Variants in PARD6G observed in about 807,000 individuals in gnomAD.
PARD6G encodes the protein partitioning defective 6 homolog gamma.
A neutral mutation model predicts 10.7 loss-of-function variants in PARD6G; 7 were observed. The ratio of observed to expected loss-of-function variants is 0.66; its 90% CI spans 0.37 to 1.23. PARD6G has a LOEUF of 1.23. Among genes scored for constraint, PARD6G ranks in the 50% most tolerant of loss-of-function variants. The probability of loss-of-function intolerance (pLI) is 0.02; values close to 1 mark genes in which losing one functional copy is unlikely to be tolerated. For missense variants in PARD6G, 548 were observed against 571.8 expected (o/e 0.96, Z 0.42); for synonymous variants, 287 against 269.4 (o/e 1.07, Z -0.64).
rs2145279145 is a variant in PARD6G at position 80,200,296 on chromosome 18, CAACTGCCCCT to C, written c.295+2404_295+2413del. Among the ~76,000 whole-genome samples, 1 of 152,326 alleles carries C rather than the reference CAACTGCCCCT, an allele frequency of 6.6e-6. No individual in the cohort carries two copies. The highest frequency in any genetic ancestry group is 1.9e-4 in the East Asian group (1 of 5,180). ...AGGGTGCCTGACTGTGCACCGGAAA[CAACTGCCCCT>C]GACTGCCACCTGGAATGTCGTCATC... On this transcript the variant is annotated intron_variant, in intron 2 of 2. Transcript: ENST00000353265. The surrounding 1 kb of genome is among the most constrained non-coding windows in gnomAD (Gnocchi z 4.4).
chr18:80,226,247 C>T (rs56191033), intron 1 of PARD6G, among the ~76,000 whole-genome samples: 25,005 of 146,828 alleles, frequency 0.17, 2,737 homozygotes, highest in East Asian at 0.42. Context: ...CTTGGCTCAC[C>T]GCAACCTCCG....
chr18:80,181,004 C>T lies in PARD6G; in HGVS notation c.296-20398G>A, dbSNP rs892096758. ...CTGAGGGTAAGAACCCGGCCTCACACGCACGTTTCCAGCGGGCTGGAAGGC... is the reference window on the plus strand; with the variant it reads ...CTGAGGGTAAGAACCCGGCCTCACATGCACGTTTCCAGCGGGCTGGAAGGC... On this transcript the variant is annotated intron_variant, in intron 2 of 2. Coordinates refer to ENST00000353265, the MANE Select transcript of PARD6G (RefSeq NM_032510.4). The surrounding 1 kb of genome is among the most constrained non-coding windows in gnomAD (Gnocchi z 7.9). 2.0e-5 allele frequency among the ~76,000 whole-genome samples: 3 copies of T among 152,220 alleles called. No individual in the cohort carries two copies. Among genetic ancestry groups the T allele is most frequent in the African/African-American group, 4.8e-5 (2 of 41,446 alleles).
chr18:80,221,125 T>C (rs896889631), intron 1 of PARD6G, among the ~76,000 whole-genome samples: 3 of 152,206 alleles, frequency 2.0e-5, no homozygotes, highest in Non-Finnish European at 4.4e-5. Flanking sequence ...ATGGTTTCAC[T>C]GGCCACTTAT....
chr18:80,218,798 G>A (rs558825713), intron 1 of PARD6G, among the ~76,000 whole-genome samples: 10 of 152,314 alleles, frequency 6.6e-5, no homozygotes, highest in African/African-American at 2.4e-4. Context: ...GAACATCCAG[G>A]CCTTTCCACA....
In PARD6G at chr18:80,182,656, G is replaced by C. The variant is rs1230441950; in HGVS notation, c.295+20054C>G. Among the ~76,000 whole-genome samples the C allele has an allele frequency of 6.6e-6, 1 of 152,164 alleles. No homozygotes were observed. The highest frequency in any genetic ancestry group is 1.9e-4 in the East Asian group (1 of 5,202). On this transcript the variant is annotated intron_variant, in intron 2 of 2. Coordinates refer to ENST00000353265, the MANE Select transcript of PARD6G (RefSeq NM_032510.4). This position sits in a 1 kb window ranked among gnomAD's most constrained non-coding sequence, Gnocchi z 4.5. The stretch of plus-strand genomic sequence containing the variant: ...AAAATAGCTTCCACAGGGAAAAAAG[G>C]TGCAAGTCCAACAGACACCCTTTCC...
At chr18:80,217,510 A>C (rs1458055416) in intron 1 of PARD6G, among the ~76,000 whole-genome samples, 1 of 152,196 alleles carries the variant, frequency 6.6e-6, no homozygotes, top group Admixed American at 6.5e-5. Flanking sequence ...CACAATAATA[A>C]GTAATGTTGA....
rs985906066 is a variant in PARD6G, at chr18:80,158,693, C to G, written c.*1078G>C. 5.3e-5 allele frequency: 8 copies of G among 152,260 alleles called. No individual in the cohort carries two copies. The highest frequency in any genetic ancestry group is 1.9e-4 in the African/African-American group (8 of 41,516). 9.4% of individuals were successfully genotyped at this position (152,260 alleles called of 1,614,324 possible). A position where few individuals can be genotyped will look rare whatever the true frequency, so the allele number is the denominator to read the frequency against. On this transcript the variant is annotated 3_prime_UTR_variant, in exon 3 of 3. Transcript: ENST00000353265. The stretch of plus-strand genomic sequence containing the variant: ...TGAAATCCCATCTCTACTAAAAATA[C>G]AAAAATTAGCTGGGTATGGTGGCAT...
rs957944674 is a variant in PARD6G at position 80,192,451 on chromosome 18, C to T, written c.295+10259G>A. Reference sequence around the variant, plus strand: ...AGGGGACGGGGGAGAGCAGGTGCCACGGCGGGAGCCCAGGGGACGGGGGAG... The same window carrying T: ...AGGGGACGGGGGAGAGCAGGTGCCATGGCGGGAGCCCAGGGGACGGGGGAG... On this transcript the variant is annotated intron_variant, in intron 2 of 2. Coordinates refer to ENST00000353265, the MANE Select transcript of PARD6G (RefSeq NM_032510.4). This position sits in a 1 kb window ranked among gnomAD's most constrained non-coding sequence, Gnocchi z 4.9. 8.6e-5 allele frequency among the ~76,000 whole-genome samples: 13 copies of T among 151,816 alleles called. No individual in the cohort carries two copies. Among genetic ancestry groups the T allele is most frequent in the Admixed American group, 3.9e-4 (6 of 15,260 alleles).
At chr18:80,219,213 T>C (rs1006601848) in intron 1 of PARD6G, among the ~76,000 whole-genome samples, 8 of 151,880 alleles carry the variant, frequency 5.3e-5, no homozygotes, top group African/African-American at 1.9e-4. Flanking sequence ...GGTTTGTTTG[T>C]TTGTTTGTTT....
chr18:80,240,907 G>A (rs1367476757), intron 1 of PARD6G, among the ~76,000 whole-genome samples: 1 of 152,176 alleles, frequency 6.6e-6, no homozygotes, highest in Non-Finnish European at 1.5e-5. Context: ...AGGCAGGGAT[G>A]TTGTACGTTT....
rs1220796874 is a variant in PARD6G, at chr18:80,182,096, C to T, written c.295+20614G>A. Among the ~76,000 whole-genome samples, 1 of 152,218 alleles carries T rather than the reference C, an allele frequency of 6.6e-6. No homozygotes were observed. The highest frequency in any genetic ancestry group is 1.5e-5 in the Non-Finnish European group (1 of 68,030). ...TGGGTAGGGCCCAGCAGAGTCTCAC[C>T]CCAAGCTCCCCAGCTGCTCACCCAC... On this transcript the variant is annotated intron_variant, in intron 2 of 2. Coordinates refer to ENST00000353265, the MANE Select transcript of PARD6G (RefSeq NM_032510.4). The surrounding 1 kb of genome is among the most constrained non-coding windows in gnomAD (Gnocchi z 4.5).
chr18:80,230,748 G>T (rs890728775), intron 1 of PARD6G, among the ~76,000 whole-genome samples: 3 of 152,122 alleles, frequency 2.0e-5, no homozygotes, highest in Non-Finnish European at 4.4e-5. Flanking sequence ...TGAGGGAGGG[G>T]TAGCAGTGGA....
In PARD6G at chr18:80,201,407, T is replaced by G. The variant is rs1599862162; in HGVS notation, c.295+1303A>C. 6.6e-6 allele frequency among the ~76,000 whole-genome samples: 1 copy of G among 152,152 alleles called. No individual in the cohort carries two copies. The highest frequency in any genetic ancestry group is 2.1e-4 in the South Asian group (1 of 4,832). On this transcript the variant is annotated intron_variant, in intron 2 of 2. Coordinates refer to ENST00000353265, the MANE Select transcript of PARD6G (RefSeq NM_032510.4). This position sits in a 1 kb window ranked among gnomAD's most constrained non-coding sequence, Gnocchi z 5.9. Reference sequence around the variant, plus strand: ...CCGAGGTGTGGCACGCTGGAGGCTGTGCAGAGCCATGCAGAGACAGCGAGG... The same window carrying G: ...CCGAGGTGTGGCACGCTGGAGGCTGGGCAGAGCCATGCAGAGACAGCGAGG...
chr18:80,177,215 A>AGT (rs2052815943), intron 2 of PARD6G, among the ~76,000 whole-genome samples: 1 of 51,444 alleles, frequency 1.9e-5, no homozygotes, highest in Non-Finnish European at 3.1e-5. Context: ...CTAAATGGGA[A>AGT]GCGCACACAC....
At chr18:80,162,925 G>A (rs1835922972) in intron 2 of PARD6G, among the ~76,000 whole-genome samples, 1 of 152,136 alleles carries the variant, frequency 6.6e-6, no homozygotes, top group African/African-American at 2.4e-5. Flanking sequence ...GGACAGAGTG[G>A]GCTCTCCCTG....
intron 2 of PARD6G, among the ~76,000 whole-genome samples, chr18:80,177,751 G>C (rs2052823196): frequency 6.7e-6 from 1 of 148,284 alleles, no homozygotes; most frequent in African/African-American, 2.5e-5. Context: ...AGTCCAAATG[G>C]GAAGCACACG....
At chr18:80,165,615 C>A (rs557761981) in intron 2 of PARD6G, among the ~76,000 whole-genome samples, 1 of 152,268 alleles carries the variant, frequency 6.6e-6, no homozygotes, top group South Asian at 2.1e-4. Context: ...GATAAATGTC[C>A]ATGAAATCTT....
Position 80,160,328 on chromosome 18 carries a change from C to A in PARD6G, c.574G>T (p.Gly192Cys), listed in dbSNP as rs140069250. Residue 192 changes from glycine to cysteine, a missense_variant, in exon 3 of 3, where the codon GGC (glycine) becomes TGC (cysteine). By Grantham distance (159) the Gly-to-Cys change is radical. This residue lies in a region of PARD6G where 235 missense variants were observed against 291.9 expected (regional missense o/e 0.81). Transcript: ENST00000353265. ...VTPHGLEKVP[G>C]IFISRMVPGG... ...GGTACCATGCGCGAGATGAAGATGC[C>A]GGGCACCTTCTCCAGCCCGTGCGGG... The A allele has an allele frequency of 1.9e-6, 3 of 1,611,830 alleles. No homozygotes were observed. Among genetic ancestry groups the A allele is most frequent in the Non-Finnish European group, 2.5e-6 (3 of 1,179,826 alleles).
chr18:80,177,151 TCAC>T (rs2052814930), intron 2 of PARD6G, among the ~76,000 whole-genome samples: 1 of 71,716 alleles, frequency 1.4e-5, no homozygotes. Context: ...ACAGTATAAA[TCAC>T]AGCCTAAATG....
Sources: allele counts gnomAD v4.1 joint callset (sites outside exome capture counted in the v4.1 genomes callset), GRCh38; gene constraint gnomAD v4.1.1; regional missense constraint gnomAD v4.1.1; non-coding constraint Gnocchi (gnomAD v3.1); transcripts MANE v1.5; gene names NCBI Gene and HGNC (gene_info 2026-07-23, HGNC 2026-07-21).